The following WWOX variants were observed in gnomAD, a reference collection of about 807,000 sequenced individuals.
WWOX encodes the protein WW domain-containing oxidoreductase.
Under a neutral mutation model 46.2 loss-of-function variants are expected in WWOX, and 69 were observed. The ratio of observed to expected loss-of-function variants is 1.49; its 90% CI spans 1.23 to 1.82. WWOX has a LOEUF of 1.82. WWOX is among the 40% of genes most tolerant of loss of function. WWOX has a pLI of 0.00. For synonymous variants in WWOX, 359 were observed against 202.6 expected (o/e 1.77, Z -6.56); for missense variants, 919 against 542.6 (o/e 1.69, Z -6.89).
chr16:78,968,434 C>G (rs913967551), intron 8 of WWOX, among the ~76,000 whole-genome samples: 37 of 152,210 alleles, frequency 2.4e-4, no homozygotes, highest in Non-Finnish European at 5.1e-4. Context: ...CCAAACTGTT[C>G]CCTAGGGAGT....
intron 8 of WWOX, among the ~76,000 whole-genome samples, chr16:78,768,291 A>AAAAAAAAAG (rs1189151235): frequency 6.6e-6 from 1 of 150,590 alleles, no homozygotes; most frequent in Non-Finnish European, 1.5e-5. Context: ...AAAAAAAAAA[A>AAAAAAAAAG]AAAAAAAAAG....
At chr16:78,227,786 A>G (rs2037114344) in intron 5 of WWOX, among the ~76,000 whole-genome samples, 1 of 152,144 alleles carries the variant, frequency 6.6e-6, no homozygotes, top group African/African-American at 2.4e-5. Context: ...CTGAGGCAGG[A>G]GAATCGCTTG....
chr16:78,953,000 C>G (rs1002925969), intron 8 of WWOX, among the ~76,000 whole-genome samples: 7 of 151,526 alleles, frequency 4.6e-5, no homozygotes, highest in African/African-American at 1.5e-4. Flanking sequence ...ACGCATTTCT[C>G]TGATTTGTGG....
intron 8 of WWOX, among the ~76,000 whole-genome samples, chr16:78,787,607 TA>T (rs1394128028): frequency 1.4e-4 from 21 of 152,360 alleles, no homozygotes; most frequent in Non-Finnish European, 4.4e-5. Context: ...TGTTACGAAT[TA>T]TGCTGCTATG....
At chr16:78,473,559 C>G (rs2667553) in intron 8 of WWOX, among the ~76,000 whole-genome samples, 2 of 152,026 alleles carry the variant, frequency 1.3e-5, no homozygotes, top group Admixed American at 6.5e-5. Flanking sequence ...TGAGCAGATA[C>G]ACTTATCTGT....
At chr16:79,107,383 C>T (rs565827660) in intron 8 of WWOX, among the ~76,000 whole-genome samples, 1 of 152,334 alleles carries the variant, frequency 6.6e-6, no homozygotes, top group East Asian at 1.9e-4. Context: ...TCACCGCGCC[C>T]AGCCCAAAAT....
rs547001685 is a variant in WWOX, at chr16:78,880,475, T to A, written c.1057-331133T>A. ...TAGCTGCTTTCCTTCTCTGTTTAAA[T>A]AGTCTACAAAACAAGAAATAATTAG... On this transcript the variant is annotated intron_variant, in intron 8 of 8. Transcript: ENST00000566780. 2.6e-5 allele frequency among the ~76,000 whole-genome samples: 4 copies of A among 152,328 alleles called. No individual in the cohort carries two copies. In the South Asian group the frequency reaches 8.3e-4, roughly 32 times the overall value.
chr16:78,941,462 C>T (rs891918074), intron 8 of WWOX, among the ~76,000 whole-genome samples: 31 of 144,680 alleles, frequency 2.1e-4, no homozygotes, highest in African/African-American at 5.8e-4. Flanking sequence ...GAACAAAGTC[C>T]TTTTTTTTTT....
At chr16:78,645,743 A>G (rs2046824511) in intron 8 of WWOX, among the ~76,000 whole-genome samples, 1 of 152,174 alleles carries the variant, frequency 6.6e-6, no homozygotes, top group African/African-American at 2.4e-5. Context: ...ACGGCCTCCA[A>G]CATTGGAGAT....
intron 8 of WWOX, among the ~76,000 whole-genome samples, chr16:79,000,964 T>C (rs983136967): frequency 1.3e-5 from 2 of 152,154 alleles, no homozygotes; most frequent in African/African-American, 2.4e-5. Flanking sequence ...GGTTCAACTA[T>C]GAGATTCCTA....
intron 8 of WWOX, among the ~76,000 whole-genome samples, chr16:78,944,044 C>G (rs1193512567): frequency 6.6e-6 from 1 of 152,176 alleles, no homozygotes; most frequent in Non-Finnish European, 1.5e-5. Flanking sequence ...AACAAAAACA[C>G]AAAATCAAGG....
At chr16:78,889,529 C>T (rs1205893871) in intron 8 of WWOX, among the ~76,000 whole-genome samples, 8 of 152,084 alleles carry the variant, frequency 5.3e-5, no homozygotes, top group South Asian at 4.2e-4. Flanking sequence ...TAGTGCTATA[C>T]GACAGCCATA....
chr16:79,065,702 A>T (rs762423241), intron 8 of WWOX, among the ~76,000 whole-genome samples: 1 of 152,176 alleles, frequency 6.6e-6, no homozygotes, highest in Non-Finnish European at 1.5e-5. Context: ...GGAGCTTTAC[A>T]AAGGTGGTTT....
At chr16:79,199,172 C>G (rs1567612281) in intron 8 of WWOX, among the ~76,000 whole-genome samples, 1 of 152,210 alleles carries the variant, frequency 6.6e-6, no homozygotes, top group Non-Finnish European at 1.5e-5. Flanking sequence ...AAGCCATCCT[C>G]CCGCCTCAGC....
At chr16:78,757,334 ACCCCAG>A (rs1192184732) in intron 8 of WWOX, among the ~76,000 whole-genome samples, 1 of 43,500 alleles carries the variant, frequency 2.3e-5, no homozygotes, top group African/African-American at 4.0e-5. Context: ...CTACCCCAGC[ACCCCAG>A]CACCCCAGCA....
At chr16:78,477,744 A>G (rs1313368064) in intron 8 of WWOX, among the ~76,000 whole-genome samples, 1 of 152,182 alleles carries the variant, frequency 6.6e-6, no homozygotes, top group African/African-American at 2.4e-5. Flanking sequence ...CGTGCGGATA[A>G]TCTTTTAGCA....
intron 8 of WWOX, among the ~76,000 whole-genome samples, chr16:78,775,041 C>A (rs74876321): frequency 6.6e-6 from 1 of 152,112 alleles, no homozygotes; most frequent in Admixed American, 6.5e-5. Context: ...TCACAGCCCT[C>A]ACTCCTGAGG....
chr16:78,649,147 TG>T (rs1348926647), intron 8 of WWOX, among the ~76,000 whole-genome samples: 1 of 151,888 alleles, frequency 6.6e-6, no homozygotes, highest in Non-Finnish European at 1.5e-5. Context: ...CTAATTTTTT[TG>T]GTTTTTTTTG....
intron 8 of WWOX, among the ~76,000 whole-genome samples, chr16:79,002,991 CTT>C (rs1378391401): frequency 6.6e-6 from 1 of 152,198 alleles, no homozygotes; most frequent in East Asian, 1.9e-4. Context: ...CATTTAAAAA[CTT>C]CCTGGTGAAT....
Sources: allele counts gnomAD v4.1 joint callset (sites outside exome capture counted in the v4.1 genomes callset), GRCh38; gene constraint gnomAD v4.1.1; transcripts MANE v1.5; gene names NCBI Gene and HGNC (gene_info 2026-07-23, HGNC 2026-07-21).